ZBTB20: variants seen among roughly 807,000 people sequenced by gnomAD.
ZBTB20 encodes zinc finger and BTB domain-containing protein 20.
Under a neutral mutation model 56.9 loss-of-function variants are expected in ZBTB20, and 9 were observed. That is an observed-to-expected ratio of 0.16 (90% CI 0.10 to 0.28). ZBTB20 has a LOEUF of 0.28. ZBTB20 is among the 10% of genes least tolerant of loss of function. The probability of loss-of-function intolerance (pLI) is 1.00; values close to 1 mark genes in which losing one functional copy is unlikely to be tolerated. For synonymous variants in ZBTB20, 417 were observed against 420.7 expected, an observed-to-expected ratio of 0.99 and a Z score of 0.11; for missense variants, 655 against 1,003.0, an observed-to-expected ratio of 0.65 and a Z score of 4.69.
At chr3:114,734,178 TA>T (rs1578596629) in intron 5 of ZBTB20, among the ~76,000 whole-genome samples, 1 of 151,298 alleles carries the variant, frequency 6.6e-6, no homozygotes, top group East Asian at 1.9e-4. Context: ...TATAAATAAA[TA>T]AAAAAATAAA....
chr3:114,695,924 A>C (rs1451074167), intron 5 of ZBTB20, among the ~76,000 whole-genome samples: 1 of 152,060 alleles, frequency 6.6e-6, no homozygotes, highest in Non-Finnish European at 1.5e-5. Flanking sequence ...ACCAATTTTC[A>C]TTATTTCTCT....
chr3:114,710,637 T>C (rs1469375050), intron 5 of ZBTB20, among the ~76,000 whole-genome samples: 1 of 152,148 alleles, frequency 6.6e-6, no homozygotes, highest in East Asian at 1.9e-4. Context: ...TTGTCAGCCC[T>C]ACCTTCAAGT....
intron 6 of ZBTB20, among the ~76,000 whole-genome samples, chr3:114,665,118 G>A (rs74735502): frequency 0.04 from 6,076 of 152,064 alleles, 365 homozygotes; most frequent in African/African-American, 0.13. Context: ...CGTTTGCCGT[G>A]TAATGACATT....
At chr3:115,019,998 G>C (rs1178658299) in intron 2 of ZBTB20, among the ~76,000 whole-genome samples, 1 of 151,192 alleles carries the variant, frequency 6.6e-6, no homozygotes, top group Non-Finnish European at 1.5e-5. Flanking sequence ...AACAGAAAAG[G>C]ATTTTTGAAC....
chr3:114,534,055 C>T (rs1041705639), intron 6 of ZBTB20, among the ~76,000 whole-genome samples: 4 of 152,068 alleles, frequency 2.6e-5, no homozygotes, highest in African/African-American at 4.8e-5. Context: ...TAAAGACCAT[C>T]GACACTATGA....
At chr3:114,386,768 G>C (rs1241749746) in intron 8 of ZBTB20, among the ~76,000 whole-genome samples, 1 of 152,102 alleles carries the variant, frequency 6.6e-6, no homozygotes, top group Non-Finnish European at 1.5e-5. Flanking sequence ...GGGTTTTTTT[G>C]GGGGTAGAAT....
Position 114,325,062 on chromosome 3 carries a change from A to G in ZBTB20, c.*13943T>C, listed in dbSNP as rs1308855801. ...CAGCTTCTCACCTTTGTTTGCCATG[A>G]TGAAGATTACTAAGACACCCTGCTT... On this transcript the variant is annotated 3_prime_UTR_variant, in exon 12 of 12. Transcript: ENST00000675478. 1 of 152,188 alleles carries G rather than the reference A, an allele frequency of 6.6e-6. No homozygotes were observed. Among genetic ancestry groups the G allele is most frequent in the Non-Finnish European group, 1.5e-5 (1 of 68,028 alleles). The allele number at this position is 152,188 out of a possible 1,614,324, so 9.4% of individuals were successfully genotyped here. A position where few individuals can be genotyped will look rare whatever the true frequency, so the allele number is the denominator to read the frequency against.
chr3:114,418,926 T>C (rs891458805), intron 7 of ZBTB20: 2 of 152,090 alleles, frequency 1.3e-5, no homozygotes, highest in Non-Finnish European at 2.9e-5. Context: ...TAACCAGATC[T>C]AACAAGCTAC....
At chr3:114,632,208 G>A (rs953672128) in intron 6 of ZBTB20, among the ~76,000 whole-genome samples, 4 of 152,240 alleles carry the variant, frequency 2.6e-5, no homozygotes, top group Non-Finnish European at 4.4e-5. Context: ...AGCAAGCCAT[G>A]TTGGGTTGTC....
chr3:114,608,918 T>A (rs2057355522), intron 6 of ZBTB20, among the ~76,000 whole-genome samples: 3 of 152,206 alleles, frequency 2.0e-5, no homozygotes, highest in South Asian at 4.1e-4. Flanking sequence ...TAATGATTTT[T>A]AAAAAGTAAA....
At chr3:114,549,970 C>T (rs2050361386) in intron 6 of ZBTB20, among the ~76,000 whole-genome samples, 1 of 151,958 alleles carries the variant, frequency 6.6e-6, no homozygotes, top group Non-Finnish European at 1.5e-5. Flanking sequence ...TGGAGCCTTG[C>T]TCTGTGGCCC....
intron 6 of ZBTB20, among the ~76,000 whole-genome samples, chr3:114,650,416 T>A (rs2060069369): frequency 6.6e-6 from 1 of 151,808 alleles, no homozygotes; most frequent in Non-Finnish European, 1.5e-5. Flanking sequence ...CTTTCTCCTG[T>A]TATTTTTAAT....
Position 114,972,207 on chromosome 3 carries a change from A to G in ZBTB20, c.-456+2159T>C, listed in dbSNP as rs967451591. 2.6e-5 allele frequency among the ~76,000 whole-genome samples: 4 copies of G among 152,248 alleles called. No individual in the cohort carries two copies. In the South Asian group the frequency reaches 8.3e-4, roughly 31 times the overall value. ...TGATAGGCATGAACATCATGTCATT[A>G]CATGAACAGATCATTAAAGTGAGTC... is the stretch of plus-strand genomic sequence containing the variant. On this transcript the variant is annotated intron_variant, in intron 3 of 11. Coordinates refer to ENST00000675478, the MANE Select transcript of ZBTB20 (RefSeq NM_001348800.3).
chr3:114,574,271 G>C (rs2053761723), intron 6 of ZBTB20, among the ~76,000 whole-genome samples: 1 of 152,072 alleles, frequency 6.6e-6, no homozygotes, highest in Non-Finnish European at 1.5e-5. Context: ...ATCTTTGTCT[G>C]AGATTCTATT....
At chr3:114,998,496 T>G (rs1457843391) in intron 2 of ZBTB20, among the ~76,000 whole-genome samples, 4 of 151,684 alleles carry the variant, frequency 2.6e-5, no homozygotes, top group African/African-American at 9.7e-5. Flanking sequence ...TCCCTTTATC[T>G]CAAATAAAAA....
chr3:114,867,940 C>A (rs969673036), intron 4 of ZBTB20, among the ~76,000 whole-genome samples: 3 of 151,968 alleles, frequency 2.0e-5, no homozygotes, highest in African/African-American at 7.3e-5. Flanking sequence ...TGTTAGACAC[C>A]CTCTCTGTCA....
Position 114,944,739 on chromosome 3 carries a change from A to T in ZBTB20, c.-456+29627T>A, listed in dbSNP as rs1388195447. Among the ~76,000 whole-genome samples, 8 of 145,672 alleles carry T rather than the reference A, an allele frequency of 5.5e-5. 1 individual carries two copies. Among genetic ancestry groups the T allele is most frequent in the African/African-American group, 2.2e-4 (8 of 35,838 alleles). On this transcript the variant is annotated intron_variant, in intron 3 of 11. Coordinates refer to ENST00000675478, the MANE Select transcript of ZBTB20 (RefSeq NM_001348800.3). ...GAAATAAGGCAGACACAGAAAGACA[A>T]ATACTGCATGATCTCACTTAAGTGT... is the stretch of plus-strand genomic sequence containing the variant.
chr3:114,780,442 T>C (rs959395941), intron 5 of ZBTB20, among the ~76,000 whole-genome samples: 1 of 152,196 alleles, frequency 6.6e-6, no homozygotes. Context: ...TATATATCCA[T>C]GTCATTGCTA....
At chr3:114,953,734 A>G (rs2077154104) in intron 3 of ZBTB20, among the ~76,000 whole-genome samples, 3 of 152,080 alleles carry the variant, frequency 2.0e-5, no homozygotes, top group Admixed American at 2.0e-4. Flanking sequence ...CAGAACTGAA[A>G]GGTGAAATGG....
Sources: allele counts gnomAD v4.1 joint callset (sites outside exome capture counted in the v4.1 genomes callset), GRCh38; gene constraint gnomAD v4.1.1; transcripts MANE v1.5; gene names NCBI Gene and HGNC (gene_info 2026-07-23, HGNC 2026-07-21).